ADGRF3: variants seen among roughly 807,000 people sequenced by gnomAD.
ADGRF3 encodes the protein adhesion G protein-coupled receptor F3.
ADGRF3 carries 85 observed loss-of-function variants against 93.2 expected under a neutral mutation model. The observed-to-expected ratio is 0.91, with a 90% CI of 0.77 to 1.09. ADGRF3 has a LOEUF of 1.09. Among genes scored for constraint, ADGRF3 ranks in the 50% least tolerant of loss-of-function variants. ADGRF3 has a pLI of 0.00. For synonymous variants in ADGRF3, 534 were observed against 532.5 expected (o/e 1.00, Z -0.04); for missense variants, 1,125 against 1,246.2 (o/e 0.90, Z 1.46).
At position 26,317,054 on chromosome 2, in the gene ADGRF3, T is replaced by C. The variant is rs375041474; in HGVS notation, c.183A>G (p.Glu61=). The C allele has an allele frequency of 5.9e-5, 95 of 1,608,738 alleles. No homozygotes were observed. Among genetic ancestry groups the C allele is most frequent in the Non-Finnish European group, 7.9e-5 (93 of 1,178,018 alleles). The change falls in exon 3 of 14, where the codon GAA becomes GAG. Residue 61 remains glutamate, a splice_region_variant and synonymous_variant. Transcript: ENST00000651242. ...QLLDQENGAG[E]SALVSVYVHL... ...GTACATAGACGGAGACCAGCGCTGA[T>C]TCTACAGGAGCAGAGGGGACAGCTG...
rs1673749655 is a variant in ADGRF3, at chr2:26,308,579, A to C, written c.*507T>G. ...AAAGAAAGAGGGACCAATTAACTTC[A>C]CCTTTTCCTAAACTTGAAAAGACAA... On this transcript the variant is annotated 3_prime_UTR_variant, in exon 14 of 14. Coordinates refer to ENST00000651242, the MANE Select transcript of ADGRF3 (RefSeq NM_001321971.2). 1 of 153,628 alleles carries C rather than the reference A, an allele frequency of 6.5e-6. No individual in the cohort carries two copies. Among genetic ancestry groups the C allele is most frequent in the Admixed American group, 6.5e-5 (1 of 15,460 alleles). 9.5% of individuals were successfully genotyped at this position (153,628 alleles called of 1,614,324 possible). A position where few individuals can be genotyped will look rare whatever the true frequency, so the allele number is the denominator to read the frequency against.
chr2:26,317,014 C>A lies in ADGRF3; in HGVS notation c.223G>T (p.Asp75Tyr). The change falls in exon 3 of 14, where the codon GAT becomes TAT. Residue 75 changes from aspartate to tyrosine, a missense_variant. By Grantham distance (160) the Asp-to-Tyr change is radical. Transcript: ENST00000651242. ...GAGAGTTCAGGGGGCCAGGTCTTAT[C>A]TGGAAAGTCCAGATGTACATAGACG... ...VSVYVHLDFP[D>Y]KTWPPELSRT... The A allele has an allele frequency of 6.2e-7, 1 of 1,612,948 alleles. No homozygotes were observed. The highest frequency in any genetic ancestry group is 8.5e-7 in the Non-Finnish European group (1 of 1,179,528).
chr2:26,337,803 G>A (rs183315484), intron 1 of ADGRF3, among the ~76,000 whole-genome samples: 61 of 152,076 alleles, frequency 4.0e-4, no homozygotes, highest in Non-Finnish European at 7.2e-4. Context: ...CAGGCGGATC[G>A]CTTGAGGCCA....
At chr2:26,322,231 G>A (rs1214823758) in intron 1 of ADGRF3, among the ~76,000 whole-genome samples, 4 of 145,944 alleles carry the variant, frequency 2.7e-5, no homozygotes, top group East Asian at 4.0e-4. Flanking sequence ...GCAGTGAGCC[G>A]AGATCACTGC....
At position 26,308,345 on chromosome 2, in the gene ADGRF3, A is replaced by C. The variant is rs1319728850; in HGVS notation, c.*741T>G. On this transcript the variant is annotated 3_prime_UTR_variant, in exon 14 of 14. Transcript: ENST00000651242. ...TTCCTCTTGTGAATTCCATAAGTTA[A>C]TTCAGCCAGATAGATATCTTGGTGT... The C allele has an allele frequency of 2.0e-5, 3 of 152,136 alleles. No homozygotes were observed. Among genetic ancestry groups the C allele is most frequent in the Non-Finnish European group, 4.4e-5 (3 of 68,034 alleles). The allele number at this position is 152,136 out of a possible 1,614,324, so 9.4% of individuals were successfully genotyped here. A position where few individuals can be genotyped will look rare whatever the true frequency, so the allele number is the denominator to read the frequency against.
intron 1 of ADGRF3, among the ~76,000 whole-genome samples, chr2:26,343,412 G>A (rs1676500597): frequency 6.6e-6 from 1 of 151,818 alleles, no homozygotes; most frequent in Admixed American, 6.6e-5. Flanking sequence ...CTAATGGATC[G>A]AATTAGATCT....
At chr2:26,327,904 C>T (rs1389841697) in intron 1 of ADGRF3, among the ~76,000 whole-genome samples, 1 of 152,106 alleles carries the variant, frequency 6.6e-6, no homozygotes, top group East Asian at 1.9e-4. Flanking sequence ...AGAGTCCTCA[C>T]AACCTAATCA....
In ADGRF3 at chr2:26,314,442, C is replaced by T. The variant is rs772620942; in HGVS notation, c.900G>A (p.Ala300=). The T allele has an allele frequency of 9.9e-6, 16 of 1,613,896 alleles. No individual in the cohort carries two copies. The highest frequency in any genetic ancestry group is 6.6e-5 in the South Asian group (6 of 91,062). The change falls in exon 6 of 14, where the codon GCG becomes GCA. Residue 300 remains alanine, a synonymous_variant. Transcript: ENST00000651242. ...TGCTGCCCTCTCCAGGGCTCCAGGC[C>T]GCGGTGTAGGCCAGGTTTGTGCTGG... is the stretch of plus-strand genomic sequence containing the variant. ...CIPSTNLAYT[A]AWSPGEGSKA...
intron 3 of ADGRF3, 125 bp downstream of exon 3, chr2:26,316,787 C>G: frequency 9.2e-7 from 1 of 1,088,560 alleles, no homozygotes; most frequent in Non-Finnish European, 1.3e-6. Context: ...GCCACGGAGA[C>G]AGAACCAGGC....
intron 1 of ADGRF3, among the ~76,000 whole-genome samples, chr2:26,338,876 G>A (rs539678447): frequency 2.6e-5 from 4 of 152,106 alleles, no homozygotes; most frequent in East Asian, 3.9e-4. Flanking sequence ...GGTGGCTCAC[G>A]CCTGTAATCC....
rs769149800 is a variant in ADGRF3 at position 26,312,942 on chromosome 2, C to T, written c.1449+1G>A. 6.2e-6 allele frequency: 10 copies of T among 1,606,856 alleles called. No individual in the cohort carries two copies. Among genetic ancestry groups the T allele is most frequent in the Admixed American group, 5.1e-5 (3 of 58,882 alleles). On this transcript the variant is annotated splice_donor_variant, in intron 9 of 13. Coordinates refer to ENST00000651242, the MANE Select transcript of ADGRF3 (RefSeq NM_001321971.2). LOFTEE classifies it high-confidence loss of function. ...CCCCCACTGTGGCTCAGAGATCTCA[C>T]CTTCAGGGCTCTGCGGTCAAGCTGT...
At chr2:26,321,400 G>C (rs947080159) in intron 1 of ADGRF3, among the ~76,000 whole-genome samples, 2 of 152,226 alleles carry the variant, frequency 1.3e-5, no homozygotes, top group Admixed American at 6.5e-5. Flanking sequence ...ATGGGCCAAG[G>C]GGATGTGGGA....
chr2:26,325,781 C>T (rs1233668336), intron 1 of ADGRF3, among the ~76,000 whole-genome samples: 1 of 152,156 alleles, frequency 6.6e-6, no homozygotes, highest in Non-Finnish European at 1.5e-5. Flanking sequence ...GGGTTATAAT[C>T]TTATAAACTT....
intron 13 of ADGRF3, 99 bp downstream of exon 13, chr2:26,309,427 A>G: frequency 6.4e-7 from 1 of 1,551,212 alleles, no homozygotes; most frequent in Non-Finnish European, 8.7e-7. Flanking sequence ...TGGGTATAGA[A>G]AGAGGAGGCT....
chr2:26,319,699 C>T (rs1574714658), intron 1 of ADGRF3, among the ~76,000 whole-genome samples: 1 of 151,594 alleles, frequency 6.6e-6, no homozygotes, highest in Non-Finnish European at 1.5e-5. Flanking sequence ...CTCTCTCTCT[C>T]GCTTGCTCTC....
chr2:26,313,687 T>C (rs7566473), intron 7 of ADGRF3, 73 bp downstream of exon 7: 1,151,243 of 1,586,522 alleles, frequency 0.73, 419,161 homozygotes, highest in African/African-American at 0.8. Flanking sequence ...GGCAGAGACG[T>C]GCCATGCAAG....
Position 26,343,135 on chromosome 2 carries a change from CAGCT to C in ADGRF3, c.114+2982_114+2985del, listed in dbSNP as rs369264949. Reference sequence around the variant, plus strand: ...AATGCCTTGTGTTACAACATTTTGACAGCTAGGATGTCACTAGATGACAGAAATT... The same window carrying C: ...AATGCCTTGTGTTACAACATTTTGACAGGATGTCACTAGATGACAGAAATT... On this transcript the variant is annotated intron_variant, in intron 1 of 13. Coordinates refer to ENST00000651242, the MANE Select transcript of ADGRF3 (RefSeq NM_001321971.2). Among the ~76,000 whole-genome samples the C allele has an allele frequency of 3.7e-3, 557 of 152,234 alleles. 1 individual carries two copies. The highest frequency in any genetic ancestry group is 0.012 in the African/African-American group (516 of 41,534).
intron 6 of ADGRF3, 29 bp from the exon 7 acceptor site, chr2:26,313,932 C>A: frequency 6.2e-7 from 1 of 1,613,000 alleles, no homozygotes; most frequent in South Asian, 1.1e-5. Flanking sequence ...AGGGAACTGT[C>A]ATTGGGCCAG....
chr2:26,313,434 C>T lies in ADGRF3; in HGVS notation c.1212G>A (p.Gly404=). 6.2e-7 allele frequency: 1 copy of T among 1,608,164 alleles called. No homozygotes were observed. Among genetic ancestry groups the T allele is most frequent in the Non-Finnish European group, 8.5e-7 (1 of 1,177,264 alleles). Residue 404 remains glycine (G), a synonymous_variant, in exon 8 of 14, where the codon GGG becomes GGA. Transcript: ENST00000651242. The part of the protein sequence containing the change: ...RRLCGADGVW[G]PVHSSCTDAR... ...CATCTGTGCAGCTGCTGTGGACCGGCCCCCAGACTCCGTCAGCCCCACAGA... is the reference window on the plus strand; with the variant it reads ...CATCTGTGCAGCTGCTGTGGACCGGTCCCCAGACTCCGTCAGCCCCACAGA...
Sources: gnomAD v4.1 joint callset for allele counts (sites outside exome capture counted in the v4.1 genomes callset) on GRCh38, gnomAD v4.1.1 for gene constraint, MANE v1.5 for transcripts, NCBI Gene and HGNC (gene_info 2026-07-23, HGNC 2026-07-21) for gene names.